Variants in RERE observed in about 807,000 individuals in gnomAD.
The protein encoded by RERE is arginine-glutamic acid dipeptide repeats.
Under a neutral mutation model 146.1 loss-of-function variants are expected in RERE, and 40 were observed. The ratio of observed to expected loss-of-function variants is 0.27; its 90% CI spans 0.21 to 0.36. RERE has a LOEUF of 0.36. Ranked by LOEUF, RERE falls within the 10% of genes least tolerant of loss-of-function variation. The probability of loss-of-function intolerance (pLI) is 1.00; values close to 1 mark genes in which losing one functional copy is unlikely to be tolerated. For synonymous variants in RERE, 1,003 were observed against 866.0 expected (o/e 1.16, Z -2.78); for missense variants, 1,933 against 2,138.7 (o/e 0.90, Z 1.90).
chr1:8,667,143 C>CT (rs1273520781), intron 1 of RERE, among the ~76,000 whole-genome samples: 1 of 152,116 alleles, frequency 6.6e-6, no homozygotes, highest in Non-Finnish European at 1.5e-5. Flanking sequence ...TTAAAAGACT[C>CT]TAATAAATAA....
At chr1:8,762,868 C>T (rs1321443849) in intron 1 of RERE, among the ~76,000 whole-genome samples, 1 of 152,182 alleles carries the variant, frequency 6.6e-6, no homozygotes. Flanking sequence ...ACTAGGAGCT[C>T]AAAATTCCAG....
intron 12 of RERE, among the ~76,000 whole-genome samples, chr1:8,378,142 G>A (rs568972669): frequency 6.6e-5 from 10 of 152,294 alleles, no homozygotes; most frequent in East Asian, 3.9e-4. Context: ...TAAAAGGAGC[G>A]GAAACAAAAA....
intron 2 of RERE, among the ~76,000 whole-genome samples, chr1:8,655,626 G>T (rs1358488485): frequency 6.6e-6 from 1 of 152,162 alleles, no homozygotes; most frequent in Non-Finnish European, 1.5e-5. Flanking sequence ...ATTCTGCAGG[G>T]TCACCACAGT....
At chr1:8,437,415 T>C (rs886817477) in intron 11 of RERE, among the ~76,000 whole-genome samples, 1 of 152,066 alleles carries the variant, frequency 6.6e-6, no homozygotes, top group Non-Finnish European at 1.5e-5. Flanking sequence ...TGCAGATCCC[T>C]GTCTAACAGG....
At chr1:8,630,331 A>G (rs1321428179) in intron 2 of RERE, among the ~76,000 whole-genome samples, 2 of 152,150 alleles carry the variant, frequency 1.3e-5, no homozygotes, top group African/African-American at 2.4e-5. Flanking sequence ...AACTCTATAA[A>G]CAATGCACTG....
chr1:8,741,879 C>T (rs1385291512), intron 1 of RERE, among the ~76,000 whole-genome samples: 1 of 152,128 alleles, frequency 6.6e-6, no homozygotes, highest in Non-Finnish European at 1.5e-5. Context: ...AAAATTATTA[C>T]ACATATATAA....
chr1:8,400,749 G>A (rs1643219677), intron 12 of RERE, among the ~76,000 whole-genome samples: 1 of 140,764 alleles, frequency 7.1e-6, no homozygotes, highest in African/African-American at 2.6e-5. Context: ...CACGCCTAAA[G>A]TCCCAGAACT....
intron 12 of RERE, 47 bp from the exon 13 acceptor site, chr1:8,366,021 C>T (rs758661699): frequency 4.0e-5 from 63 of 1,582,630 alleles, no homozygotes; most frequent in Non-Finnish European, 4.7e-5. Flanking sequence ...GGGGCTTTTC[C>T]GTGCCCCACG....
intron 12 of RERE, among the ~76,000 whole-genome samples, chr1:8,369,797 T>C (rs1312275208): frequency 1.3e-5 from 2 of 152,194 alleles, no homozygotes; most frequent in Middle Eastern, 3.4e-3. Context: ...TCTATATATA[T>C]ATATTTTTTT....
At chr1:8,668,656 A>G (rs1242316683) in intron 1 of RERE, among the ~76,000 whole-genome samples, 1 of 152,248 alleles carries the variant, frequency 6.6e-6, no homozygotes, top group East Asian at 1.9e-4. Context: ...TATATGTTAC[A>G]ACATGGGTGA....
chr1:8,778,454 C>T (rs1641107819), intron 1 of RERE, among the ~76,000 whole-genome samples: 1 of 152,160 alleles, frequency 6.6e-6, no homozygotes, highest in Non-Finnish European at 1.5e-5. Context: ...GTATGTGAGA[C>T]AGCAAACACT....
chr1:8,567,704 T>C (rs1352921118), intron 4 of RERE, among the ~76,000 whole-genome samples: 1 of 152,200 alleles, frequency 6.6e-6, no homozygotes, highest in Non-Finnish European at 1.5e-5. Flanking sequence ...CATTCTTGTA[T>C]TTGTTTGTAG....
At chr1:8,389,378 C>T (rs1642799958) in intron 12 of RERE, among the ~76,000 whole-genome samples, 1 of 152,206 alleles carries the variant, frequency 6.6e-6, no homozygotes, top group Non-Finnish European at 1.5e-5. Flanking sequence ...TGGCGTGTGA[C>T]GTCAACGCCT....
chr1:8,532,848 G>A (rs1365768216), intron 7 of RERE, among the ~76,000 whole-genome samples: 1 of 152,066 alleles, frequency 6.6e-6, no homozygotes, highest in Admixed American at 6.6e-5. Context: ...ACCTGCCTTG[G>A]CCTCCCAAAG....
intron 7 of RERE, among the ~76,000 whole-genome samples, chr1:8,525,161 A>T (rs533786190): frequency 6.6e-6 from 1 of 152,310 alleles, no homozygotes; most frequent in East Asian, 1.9e-4. Flanking sequence ...TTTCATTTTT[A>T]AAAAAATCAA....
intron 12 of RERE, among the ~76,000 whole-genome samples, chr1:8,381,416 T>C (rs1043222991): frequency 6.6e-6 from 1 of 152,168 alleles, no homozygotes; most frequent in Non-Finnish European, 1.5e-5. Context: ...AGAAGAATTA[T>C]ACTGCACCAG....
At chr1:8,470,511 C>A (rs1476454883) in intron 10 of RERE, among the ~76,000 whole-genome samples, 1 of 152,114 alleles carries the variant, frequency 6.6e-6, no homozygotes, top group Non-Finnish European at 1.5e-5. Flanking sequence ...CCACCCACCT[C>A]CAAAGTGCTG....
chr1:8,724,875 T>TAA (rs1176635924), intron 1 of RERE, among the ~76,000 whole-genome samples: 174 of 120,722 alleles, frequency 1.4e-3, no homozygotes, highest in African/African-American at 4.2e-3. Context: ...AGATACTTTG[T>TAA]AAAAAAAAAA....
chr1:8,532,786 G>A (rs1202711275), intron 7 of RERE, among the ~76,000 whole-genome samples: 4 of 152,136 alleles, frequency 2.6e-5, no homozygotes, highest in Non-Finnish European at 5.9e-5. Context: ...AGTAGAGACG[G>A]GGTTTCCCAT....
Sources: allele counts gnomAD v4.1 joint callset (sites outside exome capture counted in the v4.1 genomes callset), GRCh38; gene constraint gnomAD v4.1.1; transcripts MANE v1.5; gene names NCBI Gene and HGNC (gene_info 2026-07-23, HGNC 2026-07-21).